PRSS12: variants seen among roughly 807,000 people sequenced by gnomAD.
PRSS12 encodes serine protease 12, also known as neurotrypsin.
In PRSS12, 85 loss-of-function variants were observed where a neutral mutation model predicts 104.4. The ratio of observed to expected loss-of-function variants is 0.81; its 90% CI spans 0.68 to 0.98. The LOEUF (loss-of-function observed/expected upper bound fraction) is 0.98. Among genes scored for constraint, PRSS12 ranks in the 50% least tolerant of loss-of-function variants. The pLI is 0.00. For synonymous variants in PRSS12, 454 were observed against 425.2 expected (o/e 1.07, Z -0.83); for missense variants, 1,141 against 1,139.2 (o/e 1.00, Z -0.02).
At chr4:118,334,524 C>T (rs1413156533) in intron 3 of PRSS12, among the ~76,000 whole-genome samples, 1 of 151,788 alleles carries the variant, frequency 6.6e-6, no homozygotes, top group African/African-American at 2.4e-5. Flanking sequence ...GGAAAACTTA[C>T]AAGACATCAA....
At chr4:118,289,699 C>A (rs879393455) in intron 11 of PRSS12, among the ~76,000 whole-genome samples, 1 of 152,194 alleles carries the variant, frequency 6.6e-6, no homozygotes, top group South Asian at 2.1e-4. Flanking sequence ...AATAAACTTA[C>A]ATCAATAAAG....
At chr4:118,289,164 T>A (rs551032963) in intron 11 of PRSS12, among the ~76,000 whole-genome samples, 2 of 152,330 alleles carry the variant, frequency 1.3e-5, no homozygotes, top group East Asian at 1.9e-4. Context: ...CATTCCTAGA[T>A]TATTCTGATA....
chr4:118,301,065 G>C (rs1262430372), intron 8 of PRSS12, among the ~76,000 whole-genome samples: 1 of 147,004 alleles, frequency 6.8e-6, no homozygotes. Context: ...ATTATTTATT[G>C]CATTTTTTAA....
chr4:118,319,388 T>C (rs1487972206), intron 4 of PRSS12, among the ~76,000 whole-genome samples: 1 of 152,020 alleles, frequency 6.6e-6, no homozygotes, highest in Non-Finnish European at 1.5e-5. Context: ...ACCAGTGATA[T>C]TTAGGTGGAA....
At chr4:118,343,322 G>A (rs190546345) in intron 1 of PRSS12, among the ~76,000 whole-genome samples, 2 of 152,186 alleles carry the variant, frequency 1.3e-5, no homozygotes, top group African/African-American at 4.8e-5. Flanking sequence ...TTGTACCCAG[G>A]AGTTCAAGAC....
intron 8 of PRSS12, among the ~76,000 whole-genome samples, chr4:118,306,440 G>C (rs1360797312): frequency 6.6e-6 from 1 of 152,224 alleles, no homozygotes; most frequent in Non-Finnish European, 1.5e-5. Flanking sequence ...GCTGGCATCT[G>C]CTTGGCTTCT....
intron 8 of PRSS12, among the ~76,000 whole-genome samples, chr4:118,299,263 T>C (rs1226154472): frequency 4.6e-5 from 7 of 152,230 alleles, no homozygotes; most frequent in East Asian, 1.9e-4. Flanking sequence ...CTAAATTTTT[T>C]ACCCTCTTAA....
intron 8 of PRSS12, among the ~76,000 whole-genome samples, chr4:118,301,872 A>G (rs1743414295): frequency 6.6e-6 from 1 of 152,168 alleles, no homozygotes; most frequent in Admixed American, 6.5e-5. Flanking sequence ...TTCTAGGTGA[A>G]CAATCATATT....
intron 8 of PRSS12, 25 bp from the exon 9 acceptor site, chr4:118,298,963 T>C (rs372314430): frequency 6.2e-7 from 1 of 1,608,836 alleles, no homozygotes; most frequent in Non-Finnish European, 8.5e-7. Context: ...TTCTTAATCA[T>C]GTGAAGAATC....
intron 8 of PRSS12, among the ~76,000 whole-genome samples, chr4:118,305,498 A>C (rs979013797): frequency 6.6e-6 from 1 of 152,086 alleles, no homozygotes; most frequent in Non-Finnish European, 1.5e-5. Flanking sequence ...CAATATAAAA[A>C]ATCTTCTTCA....
At chr4:118,311,323 C>T (rs1743719679) in intron 7 of PRSS12, among the ~76,000 whole-genome samples, 1 of 152,058 alleles carries the variant, frequency 6.6e-6, no homozygotes, top group African/African-American at 2.4e-5. Context: ...AGAGTGTCTA[C>T]AGGGCTATAA....
At chr4:118,352,197 C>A in intron 1 of PRSS12, 22 bp downstream of exon 1, 5 of 1,610,212 alleles carry the variant, frequency 3.1e-6, no homozygotes, top group Non-Finnish European at 3.4e-6. Flanking sequence ...GGAGTTTCCG[C>A]GGCCGCCCCG....
intron 11 of PRSS12, among the ~76,000 whole-genome samples, chr4:118,289,651 G>A (rs2126026842): frequency 6.6e-6 from 1 of 152,316 alleles, no homozygotes; most frequent in South Asian, 2.1e-4. Context: ...AAAATTTGGA[G>A]CTTGTTCTAA....
In PRSS12 at chr4:118,294,991, C is replaced by T; in HGVS notation, c.1987G>A (p.Ala663Thr). ...SHGDGRLLCG[A>T]TLLSSCWVLT... The stretch of plus-strand genomic sequence containing the variant: ...ACCCAGCAGCTACTCAGGAGCGTAG[C>T]CCCGCAGAGGAGCCTGCCATCTCCA... The change falls in exon 11 of 13, where the codon GCT (alanine) becomes ACT (threonine). Residue 663 changes from alanine to threonine, a missense_variant. Ala to Thr is a moderately conservative substitution (Grantham distance 58, BLOSUM62 0). Coordinates refer to ENST00000296498, the MANE Select transcript of PRSS12 (RefSeq NM_003619.4). The T allele has an allele frequency of 6.2e-7, 1 of 1,614,128 alleles. No homozygotes were observed. The highest frequency in any genetic ancestry group is 8.5e-7 in the Non-Finnish European group (1 of 1,180,020).
At chr4:118,331,941 T>C (rs1438244266) in intron 3 of PRSS12, 75 bp from the exon 4 acceptor site, 6 of 1,576,008 alleles carry the variant, frequency 3.8e-6, no homozygotes, top group East Asian at 2.3e-5. Context: ...ATATTCTATA[T>C]TTTTTGCCAT....
At chr4:118,332,015 A>C in intron 3 of PRSS12, 149 bp from the exon 4 acceptor site, 1 of 895,002 alleles carries the variant, frequency 1.1e-6, no homozygotes, top group Non-Finnish European at 1.6e-6. Flanking sequence ...ATATATATCT[A>C]ATATATTATG....
chr4:118,282,510 A>C (rs934777272), intron 12 of PRSS12, among the ~76,000 whole-genome samples: 1 of 152,224 alleles, frequency 6.6e-6, no homozygotes, highest in Admixed American at 6.5e-5. Flanking sequence ...TGACCTAAGA[A>C]AGCATATTTG....
intron 9 of PRSS12, among the ~76,000 whole-genome samples, chr4:118,297,280 G>C (rs1229547964): frequency 2.0e-5 from 3 of 152,006 alleles, no homozygotes; most frequent in African/African-American, 7.2e-5. Flanking sequence ...ATATCAAAAA[G>C]AATATTGCTA....
At chr4:118,309,026 C>T (rs770024001) in intron 7 of PRSS12, among the ~76,000 whole-genome samples, 13 of 151,256 alleles carry the variant, frequency 8.6e-5, no homozygotes, top group Non-Finnish European at 1.2e-4. Context: ...TATAAATAGA[C>T]ACAATCTTGG....
Sources: allele counts gnomAD v4.1 joint callset (sites outside exome capture counted in the v4.1 genomes callset), GRCh38; gene constraint gnomAD v4.1.1; transcripts MANE v1.5; gene names NCBI Gene and HGNC (gene_info 2026-07-23, HGNC 2026-07-21).